Variants in DGKI observed in about 807,000 individuals in gnomAD.
DGKI encodes the protein DAG kinase iota.
Under a neutral mutation model 147.5 loss-of-function variants are expected in DGKI, and 55 were observed. That is an observed-to-expected ratio of 0.37 (90% confidence interval 0.30 to 0.47). The LOEUF is 0.47. Ranked by LOEUF, DGKI falls within the 20% of genes least tolerant of loss-of-function variation. The probability of loss-of-function intolerance (pLI) is 1.00; values close to 1 mark genes in which losing one functional copy is unlikely to be tolerated. For missense variants in DGKI, 1,007 were observed against 1,323.8 expected, an observed-to-expected ratio of 0.76 and a Z score of 3.71; for synonymous variants, 469 against 477.1, an observed-to-expected ratio of 0.98 and a Z score of 0.22.
chr7:137,439,204 C>T (rs1813396806), intron 28 of DGKI, among the ~76,000 whole-genome samples: 2 of 152,138 alleles, frequency 1.3e-5, no homozygotes, highest in South Asian at 2.1e-4. Context: ...CAGTAATATA[C>T]ATGAAAGAAA....
chr7:137,613,330 T>C (rs77308400), intron 8 of DGKI, among the ~76,000 whole-genome samples: 1,548 of 152,254 alleles, frequency 0.01, 22 homozygotes, highest in African/African-American at 0.036. Flanking sequence ...GCTCCCATTG[T>C]GCCAGGGAAC....
At chr7:137,449,904 T>C (rs1813884476) in intron 27 of DGKI, among the ~76,000 whole-genome samples, 1 of 151,716 alleles carries the variant, frequency 6.6e-6, no homozygotes, top group South Asian at 2.1e-4. Flanking sequence ...AACGTACAAA[T>C]GGATAAAGAA....
At chr7:137,724,120 G>A (rs1041534048) in intron 1 of DGKI, among the ~76,000 whole-genome samples, 27 of 152,198 alleles carry the variant, frequency 1.8e-4, no homozygotes, top group African/African-American at 6.3e-4. Context: ...GAACATTCCA[G>A]ACAAAGGTAA....
chr7:137,429,524 A>C (rs1233261814), intron 28 of DGKI, among the ~76,000 whole-genome samples: 1 of 150,456 alleles, frequency 6.6e-6, no homozygotes, highest in African/African-American at 2.4e-5. Context: ...CACCAAAAGC[A>C]ATGGCAACAA....
At position 137,831,309 on chromosome 7, in the gene DGKI, G is replaced by A. The variant is rs1396224310; in HGVS notation, c.401+15153C>T. Among the ~76,000 whole-genome samples the A allele has an allele frequency of 3.3e-5, 5 of 152,328 alleles. No homozygotes were observed. In the South Asian group the frequency reaches 1.0e-3, roughly 32 times the overall value. ...CAATGAATAGAAAGACTGATGATCTGTATTAGTCCGTTTTCATGCTGCTGA... is the reference window on the plus strand; with the variant it reads ...CAATGAATAGAAAGACTGATGATCTATATTAGTCCGTTTTCATGCTGCTGA... On this transcript the variant is annotated intron_variant, in intron 1 of 32. Transcript: ENST00000614521.
At chr7:137,427,916 A>G (rs972534497) in intron 28 of DGKI, among the ~76,000 whole-genome samples, 1 of 151,348 alleles carries the variant, frequency 6.6e-6, no homozygotes, top group Non-Finnish European at 1.5e-5. Context: ...TCAATAGCTT[A>G]CCAACCAAAA....
At chr7:137,793,452 C>T (rs1325757574) in intron 1 of DGKI, among the ~76,000 whole-genome samples, 1 of 152,130 alleles carries the variant, frequency 6.6e-6, no homozygotes, top group African/African-American at 2.4e-5. Flanking sequence ...AGGCACACAC[C>T]ACCATGCCCG....
intron 10 of DGKI, among the ~76,000 whole-genome samples, chr7:137,603,329 T>G (rs114477938): frequency 0.015 from 2,234 of 152,314 alleles, 67 homozygotes; most frequent in African/African-American, 0.05. Context: ...AACTCTGCTA[T>G]GTTACTAAGT....
At chr7:137,402,112 T>C (rs1331447319) in intron 30 of DGKI, among the ~76,000 whole-genome samples, 1 of 152,230 alleles carries the variant, frequency 6.6e-6, no homozygotes. Context: ...TTAAATATGA[T>C]AATGCATTTA....
intron 28 of DGKI, among the ~76,000 whole-genome samples, chr7:137,414,536 T>TA (rs60810063): frequency 1.9e-3 from 276 of 146,270 alleles, no homozygotes; most frequent in African/African-American, 6.7e-3. Context: ...GTGTTATGTG[T>TA]AAAAAAAAAA....
At chr7:137,784,362 C>T (rs12532360) in intron 1 of DGKI, among the ~76,000 whole-genome samples, 102,121 of 151,808 alleles carry the variant, frequency 0.67, 34,542 homozygotes, top group East Asian at 0.86. Flanking sequence ...GCAACAGCAG[C>T]TAAAAAAGAC....
At chr7:137,563,257 T>C (rs2128972182) in intron 19 of DGKI, among the ~76,000 whole-genome samples, 1 of 151,820 alleles carries the variant, frequency 6.6e-6, no homozygotes, top group Admixed American at 6.5e-5. Context: ...GGAAATTCCT[T>C]CATCATATAA....
intron 6 of DGKI, among the ~76,000 whole-genome samples, chr7:137,644,960 G>C (rs1356029797): frequency 6.6e-6 from 1 of 152,144 alleles, no homozygotes; most frequent in Non-Finnish European, 1.5e-5. Flanking sequence ...CCTATAACCA[G>C]CCATGATGAC....
At chr7:137,495,275 G>A (rs146205694) in intron 21 of DGKI, among the ~76,000 whole-genome samples, 1 of 151,648 alleles carries the variant, frequency 6.6e-6, no homozygotes, top group African/African-American at 2.4e-5. Flanking sequence ...GTCCAATAAT[G>A]AGTTCCAAAA....
At chr7:137,551,303 AG>A (rs1455769440) in intron 20 of DGKI, among the ~76,000 whole-genome samples, 1 of 152,164 alleles carries the variant, frequency 6.6e-6, no homozygotes, top group Non-Finnish European at 1.5e-5. Context: ...GAGAGAGAGC[AG>A]TAAGTGTTGG....
At chr7:137,615,533 G>A (rs1410603245) in intron 8 of DGKI, among the ~76,000 whole-genome samples, 1 of 75,780 alleles carries the variant, frequency 1.3e-5, no homozygotes, top group Non-Finnish European at 2.1e-5. Flanking sequence ...ATGTATGTAT[G>A]TGTGTGTGTG....
chr7:137,436,214 G>C (rs80035996), intron 28 of DGKI, among the ~76,000 whole-genome samples: 2,189 of 152,282 alleles, frequency 0.014, 53 homozygotes, highest in African/African-American at 0.05. Flanking sequence ...ATTGACAGGA[G>C]ATTGGAACCC....
intron 1 of DGKI, among the ~76,000 whole-genome samples, chr7:137,827,024 G>A (rs957762463): frequency 6.6e-6 from 1 of 152,156 alleles, no homozygotes; most frequent in African/African-American, 2.4e-5. Flanking sequence ...AGAAAAGCCT[G>A]GTTCTCAGCC....
chr7:137,673,232 G>T, intron 3 of DGKI, among the ~76,000 whole-genome samples: 1 of 152,200 alleles, frequency 6.6e-6, no homozygotes. Flanking sequence ...TCAGGACTTC[G>T]ACATATCTTT....
Sources: gnomAD v4.1 joint callset for allele counts (sites outside exome capture counted in the v4.1 genomes callset) on GRCh38, gnomAD v4.1.1 for gene constraint, MANE v1.5 for transcripts, NCBI Gene and HGNC (gene_info 2026-07-23, HGNC 2026-07-21) for gene names.